The following LONP1 variants were observed in gnomAD, a reference collection of about 807,000 sequenced individuals.
LONP1 encodes lon peptidase 1, mitochondrial.
Under a neutral mutation model 98.5 loss-of-function variants are expected in LONP1, and 31 were observed. The ratio of observed to expected loss-of-function variants is 0.31; its 90% confidence interval spans 0.24 to 0.42. The LOEUF (loss-of-function observed/expected upper bound fraction) is 0.42, where lower values mean the gene tolerates loss of function less well. Ranked by LOEUF, LONP1 falls within the 20% of genes least tolerant of loss-of-function variation. The pLI is 1.00. For missense variants in LONP1, 1,336 were observed against 1,350.6 expected (o/e 0.99, Z 0.17); for synonymous variants, 781 against 594.7 (o/e 1.31, Z -4.56).
Position 5,694,746 on chromosome 19 carries a change from G to C in LONP1, c.2154+15C>G, listed in dbSNP as rs376821832. On this transcript the variant is annotated intron_variant, in intron 14 of 17. Transcript: ENST00000360614. ...GGTGGGCGGCAGGTGCCAGGAGGGC[G>C]GGCTGGCCGCTCACCTTCTCCACTT... 1 of 1,584,772 alleles carries C rather than the reference G, an allele frequency of 6.3e-7. No individual in the cohort carries two copies. Among genetic ancestry groups the C allele is most frequent in the South Asian group, 1.1e-5 (1 of 90,198 alleles).
Position 5,694,555 on chromosome 19 carries a change from G to A in LONP1, c.2155-3C>T. 6.2e-7 allele frequency: 1 copy of A among 1,612,440 alleles called. No homozygotes were observed. The highest frequency in any genetic ancestry group is 2.2e-5 in the East Asian group (1 of 44,872). On this transcript the variant is annotated splice_region_variant and splice_polypyrimidine_tract_variant and intron_variant, in intron 14 of 17. Coordinates refer to ENST00000360614, the MANE Select transcript of LONP1 (RefSeq NM_004793.4). Reference sequence around the variant, plus strand: ...TTGTAGGCCGATTTCCGTAACACCTGGGCGGTCAGGGCAACACAATGGGCA... The same window carrying A: ...TTGTAGGCCGATTTCCGTAACACCTAGGCGGTCAGGGCAACACAATGGGCA...
At chr19:5,708,208 C>T (rs1599470475) in intron 5 of LONP1, 134 bp downstream of exon 5, 2 of 911,608 alleles carry the variant, frequency 2.2e-6, no homozygotes, top group Non-Finnish European at 1.7e-6. Flanking sequence ...CAACGGGCTC[C>T]TCCACACAGG....
intron 8 of LONP1, 127 bp from the exon 9 acceptor site, chr19:5,701,054 C>T (rs2145596826): frequency 9.6e-7 from 1 of 1,039,176 alleles, no homozygotes; most frequent in South Asian, 1.4e-5. Context: ...TGGCTCACGC[C>T]TGTAATCCCA....
intron 10 of LONP1, among the ~76,000 whole-genome samples, chr19:5,697,858 G>C (rs1379051052): frequency 6.6e-6 from 1 of 152,000 alleles, no homozygotes; most frequent in Non-Finnish European, 1.5e-5. Context: ...ACCCAGGCTT[G>C]TTCAGAACCC....
At chr19:5,708,215 C>G (rs1389358228) in intron 5 of LONP1, 127 bp downstream of exon 5, 4 of 970,706 alleles carry the variant, frequency 4.1e-6, no homozygotes, top group East Asian at 2.6e-5. Flanking sequence ...CTCCTCCACA[C>G]AGGCCACTCC....
rs774508503 is a variant in LONP1 at position 5,707,749 on chromosome 19, G to A, written c.1010C>T (p.Ala337Val). 47 of 1,613,200 alleles carry A rather than the reference G, an allele frequency of 2.9e-5. No individual in the cohort carries two copies. The highest frequency in any genetic ancestry group is 8.0e-5 in the African/African-American group (6 of 74,886). ...NPIYLSDMGAALTGAESHELQ... is the reference protein window; with the variant it reads ...NPIYLSDMGAVLTGAESHELQ... ...CTCATGGGACTCGGCCCCGGTGAGC[G>A]CGGCGCCCATGTCGCTCAGGTAGAT... Residue 337 changes from alanine to valine, a missense_variant, in exon 6 of 18, where the codon GCG becomes GTG. Physicochemically the swap from Ala to Val is moderately conservative, Grantham distance 64. Transcript: ENST00000360614.
In LONP1 at chr19:5,719,773, C is replaced by T; in HGVS notation, c.360G>A (p.Val120=). The part of the protein sequence containing the change: ...TALTPMTIPD[V]FPHLPLIAIT... The stretch of plus-strand genomic sequence containing the variant: ...TGGCGATGAGCGGCAGGTGCGGAAA[C>T]ACATCGGGGATCGTCATGGGCGTGA... Residue 120 remains valine (V), a synonymous_variant, in exon 1 of 18, where the codon GTG becomes GTA. Transcript: ENST00000360614. 1 of 1,613,494 alleles carries T rather than the reference C, an allele frequency of 6.2e-7. No homozygotes were observed.
chr19:5,702,716 A>AC (rs955497356), intron 8 of LONP1, among the ~76,000 whole-genome samples: 5 of 151,742 alleles, frequency 3.3e-5, no homozygotes, highest in African/African-American at 9.7e-5. Context: ...CGGTGACCTT[A>AC]CCCCCAACCC....
intron 8 of LONP1, among the ~76,000 whole-genome samples, chr19:5,702,180 G>A (rs184453163): frequency 0.056 from 8,374 of 149,042 alleles, 256 homozygotes; most frequent in South Asian, 0.11. Context: ...TGCCCGGCCA[G>A]CCGCCCCCTC....
intron 13 of LONP1, among the ~76,000 whole-genome samples, chr19:5,695,816 C>T (rs908160110): frequency 1.3e-5 from 2 of 152,218 alleles, no homozygotes; most frequent in African/African-American, 4.8e-5. Context: ...AGTGTGTGGC[C>T]TGACGGTGGT....
In LONP1 at chr19:5,693,717, A is replaced by G. The variant is rs137990308; in HGVS notation, c.2373T>C (p.Asp791=). 251 of 1,614,022 alleles carry G rather than the reference A, an allele frequency of 1.6e-4. 2 individuals carry two copies. The African/African-American group carries it at 3.0e-3, about 19-fold the overall frequency. The part of the protein sequence containing the change: ...ETSLRRPQDK[D]AKGDKDGSLE... ...GGCTGCCATCCTTGTCACCCTTGGC[A>G]TCCTTGTCCTGTGGCCGTCTCAGGG... Residue 791 remains aspartate (D), a synonymous_variant, in exon 16 of 18, where the codon GAT becomes GAC. Coordinates refer to ENST00000360614, the MANE Select transcript of LONP1 (RefSeq NM_004793.4).
Position 5,693,293 on chromosome 19 carries a change from C to A in LONP1, c.2703+5G>T. On this transcript the variant is annotated splice_donor_5th_base_variant and intron_variant, in intron 17 of 17. Transcript: ENST00000360614. ...GTGCTGTGGGGTGGGTACAGGGACA[C>A]TCACCGCAATGGTCTTCTCCTTGAT... 6.2e-7 allele frequency: 1 copy of A among 1,606,876 alleles called. No homozygotes were observed. Among genetic ancestry groups the A allele is most frequent in the Non-Finnish European group, 8.5e-7 (1 of 1,175,114 alleles).
intron 1 of LONP1, among the ~76,000 whole-genome samples, chr19:5,715,539 G>C (rs1165487262): frequency 4.7e-5 from 7 of 149,026 alleles, no homozygotes; most frequent in Admixed American, 3.4e-4. Flanking sequence ...CTACTCGGGA[G>C]GCTGAGGCAG....
chr19:5,698,911 A>C, intron 10 of LONP1, 116 bp downstream of exon 10: 2 of 1,073,676 alleles, frequency 1.9e-6, no homozygotes, highest in Non-Finnish European at 2.5e-6. Flanking sequence ...CATGAGTGGA[A>C]TCGGTTGCCC....
At chr19:5,716,259 C>T (rs2436507) in intron 1 of LONP1, among the ~76,000 whole-genome samples, 3,341 of 76,726 alleles carry the variant, frequency 0.044, 132 homozygotes, top group South Asian at 0.071. Context: ...TTAAAATATA[C>T]ATATATATAT....
In LONP1 at chr19:5,702,391, C is replaced by T. The variant is rs1287399758; in HGVS notation, c.1368-1464G>A. On this transcript the variant is annotated intron_variant, in intron 8 of 17. Coordinates refer to ENST00000360614, the MANE Select transcript of LONP1 (RefSeq NM_004793.4). ...CCCCCGCCCGGCCAGCCGCCCCGTC[C>T]GGGAGGTGAGGGGCGCCTCTGCCCG... 5.5e-5 allele frequency among the ~76,000 whole-genome samples: 8 copies of T among 146,070 alleles called. No homozygotes were observed. In the South Asian group the frequency reaches 6.5e-4, roughly 12 times the overall value.
chr19:5,704,716 CCT>C (rs2055115752), intron 8 of LONP1, among the ~76,000 whole-genome samples: 1 of 152,226 alleles, frequency 6.6e-6, no homozygotes, highest in African/African-American at 2.4e-5. Flanking sequence ...GGGCGGCCAC[CCT>C]GACTCATGGC....
rs565038834 is a variant in LONP1 at position 5,695,808 on chromosome 19, T to C, written c.2013+246A>G. 8.2e-4 allele frequency among the ~76,000 whole-genome samples: 125 copies of C among 152,084 alleles called. 1 individual carries two copies. Among genetic ancestry groups the C allele is most frequent in the African/African-American group, 3.0e-3 (123 of 41,478 alleles). On this transcript the variant is annotated intron_variant, in intron 13 of 17. Transcript: ENST00000360614. ...AGCCTGGAGGCCCCGGGAGACAGAG[T>C]GTGTGGCCTGACGGTGGTGGGCGGT...
intron 7 of LONP1, among the ~76,000 whole-genome samples, chr19:5,706,238 G>A (rs1236774418): frequency 6.6e-6 from 1 of 152,046 alleles, no homozygotes; most frequent in African/African-American, 2.4e-5. Flanking sequence ...CTGGGCTCAA[G>A]CGATCCTCCT....
Sources: allele counts gnomAD v4.1 joint callset (sites outside exome capture counted in the v4.1 genomes callset), GRCh38; gene constraint gnomAD v4.1.1; transcripts MANE v1.5; gene names NCBI Gene and HGNC (gene_info 2026-07-23, HGNC 2026-07-21).